Variants in SLC35F3 observed in about 807,000 individuals in gnomAD.
SLC35F3 encodes solute carrier family 35 member F3.
SLC35F3 carries 25 observed loss-of-function variants against 49.9 expected under a neutral mutation model. The observed-to-expected ratio is 0.50, with a 90% CI of 0.37 to 0.70. The LOEUF (loss-of-function observed/expected upper bound fraction) is 0.70. Among genes scored for constraint, SLC35F3 ranks in the 30% least tolerant of loss-of-function variants. SLC35F3 has a pLI of 0.00. For synonymous variants in SLC35F3, 275 were observed against 265.4 expected, an observed-to-expected ratio of 1.04 and a Z score of -0.35; for missense variants, 525 against 639.8, an observed-to-expected ratio of 0.82 and a Z score of 1.94.
At chr1:234,257,929 T>C (rs1667847124) in intron 3 of SLC35F3, among the ~76,000 whole-genome samples, 1 of 152,206 alleles carries the variant, frequency 6.6e-6, no homozygotes, top group South Asian at 2.1e-4. Flanking sequence ...CCAGTGTAGG[T>C]TGGACCTGTG....
At chr1:233,978,601 T>C (rs1039576745) in intron 2 of SLC35F3, among the ~76,000 whole-genome samples, 1 of 152,222 alleles carries the variant, frequency 6.6e-6, no homozygotes, top group African/African-American at 2.4e-5. Context: ...GGGAAGAAAG[T>C]GTACCCTTGT....
intron 3 of SLC35F3, among the ~76,000 whole-genome samples, chr1:234,304,293 C>G (rs866760182): frequency 6.6e-6 from 1 of 152,090 alleles, no homozygotes; most frequent in Non-Finnish European, 1.5e-5. Context: ...TCCCAAGTAG[C>G]TGGGACTACA....
At chr1:234,253,759 C>T (rs959766044) in intron 3 of SLC35F3, among the ~76,000 whole-genome samples, 11 of 152,104 alleles carry the variant, frequency 7.2e-5, no homozygotes, top group Non-Finnish European at 1.2e-4. Flanking sequence ...GAGGCACATA[C>T]CCAAGGCTGA....
chr1:234,225,039 G>A (rs187807464), intron 2 of SLC35F3, among the ~76,000 whole-genome samples: 1 of 152,284 alleles, frequency 6.6e-6, no homozygotes, highest in East Asian at 1.9e-4. Context: ...TGGTGGCAGC[G>A]TTTTCTGACC....
chr1:233,914,867 A>C (rs556380027), intron 2 of SLC35F3, among the ~76,000 whole-genome samples: 44 of 152,318 alleles, frequency 2.9e-4, no homozygotes, highest in Middle Eastern at 3.4e-3. Flanking sequence ...ACAGCCTAGA[A>C]AGGGACTTGT....
At chr1:233,976,548 A>C (rs1414218863) in intron 2 of SLC35F3, among the ~76,000 whole-genome samples, 1 of 152,150 alleles carries the variant, frequency 6.6e-6, no homozygotes, top group African/African-American at 2.4e-5. Context: ...TTGCTATGTC[A>C]TTTAAAAGTA....
Position 234,231,762 on chromosome 1 carries a change from G to A in SLC35F3, c.608+21G>A. ...TACAGGTAGGCGCGTCCTGCATGAG[G>A]AGGCCTCCTGACCCCGGGCTGCTCC... On this transcript the variant is annotated intron_variant, in intron 3 of 7. Transcript: ENST00000366618. This position sits in a 1 kb window ranked among gnomAD's most constrained non-coding sequence, Gnocchi z 5.4. 1.3e-6 allele frequency: 2 copies of A among 1,575,496 alleles called. No individual in the cohort carries two copies. The highest frequency in any genetic ancestry group is 1.3e-5 in the African/African-American group (1 of 74,502).
intron 3 of SLC35F3, among the ~76,000 whole-genome samples, chr1:234,237,848 G>A (rs979308662): frequency 1.3e-5 from 2 of 152,150 alleles, no homozygotes; most frequent in Admixed American, 6.5e-5. Flanking sequence ...TTTCCTGTCT[G>A]ATTTCTTCGT....
intron 2 of SLC35F3, among the ~76,000 whole-genome samples, chr1:233,989,397 A>G (rs1478030894): frequency 1.3e-5 from 2 of 152,222 alleles, no homozygotes; most frequent in Non-Finnish European, 2.9e-5. Context: ...GATGTTATAC[A>G]TTTATGTTTT....
intron 2 of SLC35F3, among the ~76,000 whole-genome samples, chr1:234,192,432 C>T (rs1666744612): frequency 6.6e-6 from 1 of 152,166 alleles, no homozygotes; most frequent in Non-Finnish European, 1.5e-5. Flanking sequence ...GCAAAATCAG[C>T]ATACAAAGGA....
At chr1:234,182,903 A>T (rs200745722) in intron 2 of SLC35F3, among the ~76,000 whole-genome samples, 1 of 117,376 alleles carries the variant, frequency 8.5e-6, no homozygotes, top group Non-Finnish European at 1.8e-5. Flanking sequence ...CTATACAATC[A>T]TTGGTCTTTT....
chr1:234,106,271 G>A (rs1056756551), intron 2 of SLC35F3, among the ~76,000 whole-genome samples: 3 of 152,218 alleles, frequency 2.0e-5, no homozygotes, highest in Non-Finnish European at 4.4e-5. Context: ...GTAAGTGTCT[G>A]CTGGGGACTT....
Position 234,091,868 on chromosome 1 carries a change from C to T in SLC35F3, c.284-139549C>T, listed in dbSNP as rs557798845. Among the ~76,000 whole-genome samples, 6 of 152,296 alleles carry T rather than the reference C, an allele frequency of 3.9e-5. No homozygotes were observed. In the East Asian group the frequency reaches 7.7e-4, roughly 20 times the overall value. ...TTAAGTCTGCCTCACTTAGTATTGG[C>T]TGTTTTCCCCACGCAGTATTAGTGC... On this transcript the variant is annotated intron_variant, in intron 2 of 7. Transcript: ENST00000366618.
At chr1:234,068,917 GTAATA>G (rs1664664813) in intron 2 of SLC35F3, among the ~76,000 whole-genome samples, 1 of 88,826 alleles carries the variant, frequency 1.1e-5, no homozygotes, top group Non-Finnish European at 2.3e-5. Context: ...ATTTTTATAT[GTAATA>G]TATTATATAT....
chr1:234,175,061 C>T (rs1228870890), intron 2 of SLC35F3, among the ~76,000 whole-genome samples: 1 of 152,280 alleles, frequency 6.6e-6, no homozygotes, highest in East Asian at 1.9e-4. Context: ...AGAGATCTTC[C>T]GTGAATTTTA....
intron 2 of SLC35F3, among the ~76,000 whole-genome samples, chr1:234,181,289 T>A (rs750857012): frequency 7.0e-6 from 1 of 142,026 alleles, no homozygotes; most frequent in Non-Finnish European, 1.5e-5. Flanking sequence ...TGAGTCGAGA[T>A]TGTGTCACTG....
chr1:234,036,320 C>T (rs911385487), intron 2 of SLC35F3, among the ~76,000 whole-genome samples: 11 of 152,320 alleles, frequency 7.2e-5, no homozygotes, highest in South Asian at 2.1e-4. Context: ...CCCAGCTTAG[C>T]GTCCCAAGTC....
chr1:234,015,846 C>A (rs550740511), intron 2 of SLC35F3, among the ~76,000 whole-genome samples: 1 of 152,120 alleles, frequency 6.6e-6, no homozygotes. Context: ...GCAAAGGAAA[C>A]AATAAAGTGA....
intron 2 of SLC35F3, among the ~76,000 whole-genome samples, chr1:233,940,524 A>G (rs1053549765): frequency 6.6e-6 from 1 of 152,180 alleles, no homozygotes; most frequent in South Asian, 2.1e-4. Context: ...CACAATCAAC[A>G]TGATTCTCCC....
Sources: allele counts gnomAD v4.1 joint callset (sites outside exome capture counted in the v4.1 genomes callset), GRCh38; gene constraint gnomAD v4.1.1; non-coding constraint Gnocchi (gnomAD v3.1); transcripts MANE v1.5; gene names NCBI Gene and HGNC (gene_info 2026-07-23, HGNC 2026-07-21).